NELL2: variants seen among roughly 807,000 people sequenced by gnomAD.
NELL2 encodes protein kinase C-binding protein NELL2.
A neutral mutation model predicts 109.6 loss-of-function variants in NELL2; 41 were observed. The ratio of observed to expected loss-of-function variants is 0.37; its 90% CI spans 0.29 to 0.49. The LOEUF (loss-of-function observed/expected upper bound fraction) is 0.49. Among genes scored for constraint, NELL2 ranks in the 20% least tolerant of loss-of-function variants. The pLI is 0.98. For synonymous variants in NELL2, 355 were observed against 344.7 expected, an observed-to-expected ratio of 1.03 and a Z score of -0.33; for missense variants, 900 against 1,008.3, an observed-to-expected ratio of 0.89 and a Z score of 1.45.
chr12:44,738,203 T>C (rs1358934891), intron 9 of NELL2, among the ~76,000 whole-genome samples: 3 of 152,216 alleles, frequency 2.0e-5, no homozygotes, highest in Non-Finnish European at 4.4e-5. Flanking sequence ...TATTATTGTG[T>C]TCATATCTCA....
chr12:44,596,912 C>A (rs1944987834), intron 15 of NELL2, among the ~76,000 whole-genome samples: 1 of 152,174 alleles, frequency 6.6e-6, no homozygotes, highest in Non-Finnish European at 1.5e-5. Flanking sequence ...TTTATTATTA[C>A]ACTAAATGCC....
chr12:44,771,338 G>GTA (rs1555214136), intron 9 of NELL2, among the ~76,000 whole-genome samples: 1 of 133,798 alleles, frequency 7.5e-6, no homozygotes, highest in Admixed American at 7.5e-5. Flanking sequence ...TATAACAGAT[G>GTA]GTTTTTTTAA....
intron 9 of NELL2, among the ~76,000 whole-genome samples, chr12:44,734,788 G>A (rs79612813): frequency 0.013 from 1,986 of 152,062 alleles, 36 homozygotes; most frequent in African/African-American, 0.041. Flanking sequence ...GTAAGATTAT[G>A]AGGATAATGG....
chr12:44,745,842 G>T (rs1304358428), intron 9 of NELL2, among the ~76,000 whole-genome samples: 1 of 152,114 alleles, frequency 6.6e-6, no homozygotes. Flanking sequence ...CGGGTAGGAA[G>T]AATCAATATC....
chr12:44,622,785 T>TCATTCAG (rs775389330), intron 13 of NELL2, among the ~76,000 whole-genome samples: 21 of 152,162 alleles, frequency 1.4e-4, no homozygotes, highest in Non-Finnish European at 2.4e-4. Context: ...ATCAGTGTTT[T>TCATTCAG]CATTCAGGGG....
At chr12:44,812,110 G>T (rs765841981) in intron 3 of NELL2, among the ~76,000 whole-genome samples, 1 of 152,170 alleles carries the variant, frequency 6.6e-6, no homozygotes, top group Non-Finnish European at 1.5e-5. Flanking sequence ...AGTTGGAAGT[G>T]ACTGAGTTAC....
intron 12 of NELL2, among the ~76,000 whole-genome samples, chr12:44,667,623 A>C (rs1363226283): frequency 6.6e-6 from 1 of 152,210 alleles, no homozygotes; most frequent in Non-Finnish European, 1.5e-5. Context: ...CCTGGTACTC[A>C]TCTCCTCGAC....
rs943529710 is a variant in NELL2 at position 44,785,202 on chromosome 12, T to G, written c.336-5180A>C. ...GTAAAGTCTCAGAATACAAAATCAA[T>G]GTGCAAAGATCACAAGCATTCCTAT... On this transcript the variant is annotated intron_variant, in intron 3 of 19. Coordinates refer to ENST00000429094, the MANE Select transcript of NELL2 (RefSeq NM_001145108.2). Among the ~76,000 whole-genome samples the G allele has an allele frequency of 2.0e-5, 3 of 152,322 alleles. No individual in the cohort carries two copies. The East Asian group carries it at 5.8e-4, about 29-fold the overall frequency.
chr12:44,528,348 T>TTATTTTGATGTTTAG (rs1435113524), intron 16 of NELL2, among the ~76,000 whole-genome samples: 2 of 152,118 alleles, frequency 1.3e-5, no homozygotes, highest in East Asian at 3.9e-4. Context: ...TTGTAATGTG[T>TTATTTTGATGTTTAG]TATTTTGATG....
At chr12:44,587,303 A>AT (rs1443356395) in intron 15 of NELL2, among the ~76,000 whole-genome samples, 21 of 118,798 alleles carry the variant, frequency 1.8e-4, no homozygotes, top group African/African-American at 6.7e-4. Flanking sequence ...ATATATATAT[A>AT]TATATTTTTT....
chr12:44,533,487 G>A (rs1013860362), intron 15 of NELL2, among the ~76,000 whole-genome samples: 2 of 152,034 alleles, frequency 1.3e-5, no homozygotes, highest in African/African-American at 4.8e-5. Context: ...AGGAAATTAT[G>A]GGATTTAACC....
chr12:44,609,710 G>T (rs939302231), intron 14 of NELL2, among the ~76,000 whole-genome samples: 1 of 151,960 alleles, frequency 6.6e-6, no homozygotes, highest in African/African-American at 2.4e-5. Flanking sequence ...GAAAATCAGG[G>T]TAATCTTCTG....
At chr12:44,722,849 G>A (rs1938854682) in intron 9 of NELL2, among the ~76,000 whole-genome samples, 1 of 152,056 alleles carries the variant, frequency 6.6e-6, no homozygotes, top group Non-Finnish European at 1.5e-5. Flanking sequence ...TAGGCTGATG[G>A]ATCTCAACAA....
At chr12:44,669,954 T>C (rs936187916) in intron 12 of NELL2, among the ~76,000 whole-genome samples, 5 of 152,164 alleles carry the variant, frequency 3.3e-5, no homozygotes, top group African/African-American at 4.8e-5. Context: ...CACGTTATAG[T>C]AAAACTGTCA....
At chr12:44,701,517 A>C (rs1215394419) in intron 12 of NELL2, among the ~76,000 whole-genome samples, 1 of 152,140 alleles carries the variant, frequency 6.6e-6, no homozygotes, top group Non-Finnish European at 1.5e-5. Context: ...GCATTAAACA[A>C]GTAAGGTAAT....
At chr12:44,688,834 A>G (rs980494139) in intron 12 of NELL2, among the ~76,000 whole-genome samples, 1 of 152,254 alleles carries the variant, frequency 6.6e-6, no homozygotes, top group South Asian at 2.1e-4. Flanking sequence ...TGTGTCCAAA[A>G]TAAGTTATTT....
upstream of NELL2, among the ~76,000 whole-genome samples, chr12:44,914,888 C>T (rs944005310): frequency 2.0e-5 from 3 of 151,212 alleles, no homozygotes; most frequent in South Asian, 4.2e-4. Context: ...CTCCATCTGT[C>T]GCCCAGGCTG....
chr12:44,714,109 G>A (rs926216602), intron 10 of NELL2, among the ~76,000 whole-genome samples: 11 of 151,826 alleles, frequency 7.2e-5, no homozygotes, highest in African/African-American at 2.7e-4. Flanking sequence ...AGTAGGTCGA[G>A]GGGCAAAAAT....
rs568123037 is a variant in NELL2 at position 44,858,806 on chromosome 12, G to A, written c.184+16419C>T. ...AGCAAGTGCTCAAATGACACAAAAA[G>A]GCCCTAAGTTATGATTATCTGATGC... On this transcript the variant is annotated intron_variant, in intron 2 of 19. Coordinates refer to ENST00000429094, the MANE Select transcript of NELL2 (RefSeq NM_001145108.2). 4.9e-3 allele frequency among the ~76,000 whole-genome samples: 741 copies of A among 152,232 alleles called. 5 individuals are homozygous for A. Among genetic ancestry groups the A allele is most frequent in the African/African-American group, 0.017 (698 of 41,532 alleles).
Sources: allele counts gnomAD v4.1 joint callset (sites outside exome capture counted in the v4.1 genomes callset), GRCh38; gene constraint gnomAD v4.1.1; transcripts MANE v1.5; gene names NCBI Gene and HGNC (gene_info 2026-07-23, HGNC 2026-07-21).